The following SEMA4D variants were observed in gnomAD, a reference collection of about 807,000 sequenced individuals.
The protein encoded by SEMA4D is semaphorin-4D.
SEMA4D carries 22 observed loss-of-function variants against 74.8 expected under a neutral mutation model. The observed-to-expected ratio is 0.29, with a 90% confidence interval of 0.21 to 0.42. The LOEUF (loss-of-function observed/expected upper bound fraction) is 0.42, where lower values mean the gene tolerates loss of function less well. SEMA4D is among the 10% of genes least tolerant of loss of function. The pLI, the probability that SEMA4D is intolerant of heterozygous loss-of-function variation, is 1.00. For missense variants in SEMA4D, 937 were observed against 1,118.4 expected (o/e 0.84, Z 2.31); for synonymous variants, 445 against 463.7 (o/e 0.96, Z 0.52).
intron 2 of SEMA4D, among the ~76,000 whole-genome samples, chr9:89,435,139 C>G (rs1291932768): frequency 1.3e-5 from 2 of 152,110 alleles, no homozygotes; most frequent in Non-Finnish European, 2.9e-5. Flanking sequence ...GGCTGCACAT[C>G]CCCCAGGGCA....
intron 2 of SEMA4D, among the ~76,000 whole-genome samples, chr9:89,421,263 G>A (rs78078898): frequency 0.012 from 1,842 of 152,324 alleles, 37 homozygotes; most frequent in African/African-American, 0.042. Flanking sequence ...GAGGCAGAGA[G>A]CAATGGGGGA....
chr9:89,405,137 C>T (rs890234531), intron 3 of SEMA4D, among the ~76,000 whole-genome samples: 3 of 151,484 alleles, frequency 2.0e-5, no homozygotes, highest in East Asian at 3.9e-4. Context: ...CCCAGCCACC[C>T]GCCTCAGCAT....
At chr9:89,419,914 C>T (rs1173609588) in intron 2 of SEMA4D, among the ~76,000 whole-genome samples, 2 of 151,934 alleles carry the variant, frequency 1.3e-5, no homozygotes, top group Non-Finnish European at 2.9e-5. Context: ...AAGACTCCGT[C>T]TCAAAAAAAA....
chr9:89,447,794 C>T (rs4074427), intron 2 of SEMA4D, among the ~76,000 whole-genome samples: 144,448 of 150,150 alleles, frequency 0.96, 69,699 homozygotes, highest in Non-Finnish European at 1. Flanking sequence ...CCCACCACCA[C>T]TTCAGTGCTC....
intron 2 of SEMA4D, among the ~76,000 whole-genome samples, chr9:89,448,255 G>A (rs1462622824): frequency 6.6e-6 from 1 of 152,216 alleles, no homozygotes; most frequent in East Asian, 1.9e-4. Context: ...GGATTTACAA[G>A]AGTAAGCCAT....
At chr9:89,364,005 T>C (rs374147996) in intron 16 of SEMA4D, 80 of 1,613,504 alleles carry the variant, frequency 5.0e-5, no homozygotes, top group Middle Eastern at 3.3e-4. Flanking sequence ...CCAAAGAAGC[T>C]GCCCCATGAG....
chr9:89,431,164 T>TA (rs1849195162), intron 2 of SEMA4D, among the ~76,000 whole-genome samples: 1 of 152,218 alleles, frequency 6.6e-6, no homozygotes, highest in Admixed American at 6.5e-5. Context: ...CTTACTCATG[T>TA]AAAAAACCCA....
intron 1 of SEMA4D, among the ~76,000 whole-genome samples, chr9:89,476,620 T>C (rs1298484297): frequency 6.6e-6 from 1 of 152,222 alleles, no homozygotes; most frequent in African/African-American, 2.4e-5. Flanking sequence ...CAGCCTGCTG[T>C]ATATTTTAGA....
intron 2 of SEMA4D, among the ~76,000 whole-genome samples, chr9:89,453,857 CTTTT>C (rs11300976): frequency 6.3e-5 from 8 of 127,954 alleles, no homozygotes; most frequent in Non-Finnish European, 5.0e-5. Flanking sequence ...GAATATATGT[CTTTT>C]TTTTTTTTTT....
Position 89,377,361 on chromosome 9 carries a change from T to C in SEMA4D, c.*1343A>G. ...ACACCAAAATGGTCAAATCCTATCA[T>C]GCTGGAAGATAAGACTGTCCACACA... is the stretch of plus-strand genomic sequence containing the variant. On this transcript the variant is annotated 3_prime_UTR_variant, in exon 16 of 16. Transcript: ENST00000422704. 1 of 262,204 alleles carries C rather than the reference T, an allele frequency of 3.8e-6. No homozygotes were observed. The highest frequency in any genetic ancestry group is 7.2e-6 in the Non-Finnish European group (1 of 139,546). The allele number at this position is 262,204 out of a possible 1,614,324, so 16.2% of individuals were successfully genotyped here.
downstream of SEMA4D, among the ~76,000 whole-genome samples, chr9:89,374,714 A>T (rs1835548985): frequency 6.6e-6 from 1 of 152,176 alleles, no homozygotes; most frequent in African/African-American, 2.4e-5. Context: ...GCTTGTGTGT[A>T]TGCCTGCCTA....
At chr9:89,367,627 G>A (rs1487414628) in intron 16 of SEMA4D, 1 of 152,252 alleles carries the variant, frequency 6.6e-6, no homozygotes, top group African/African-American at 2.4e-5. Context: ...TAGAGGTCCT[G>A]AGGACAGATA....
chr9:89,363,460 G>T, exon 18 of SEMA4D: 1 of 1,613,890 alleles, frequency 6.2e-7, no homozygotes, highest in Non-Finnish European at 8.5e-7. Context: ...GCATCATCCG[G>T]TCGTGCTCCC....
At position 89,455,243 on chromosome 9, in the gene SEMA4D, C is replaced by T. The variant is rs1205686609; in HGVS notation, c.-244+645G>A. Reference sequence around the variant, plus strand: ...CCTGATGCTCTGAAATTTCAGACAACAAGCAGCCCCTTCGTCCACTCTGCA... The same window carrying T: ...CCTGATGCTCTGAAATTTCAGACAATAAGCAGCCCCTTCGTCCACTCTGCA... On this transcript the variant is annotated intron_variant, in intron 2 of 15. Coordinates refer to ENST00000422704, the MANE Select transcript of SEMA4D (RefSeq NM_001371194.2). Among the ~76,000 whole-genome samples the T allele has an allele frequency of 2.0e-5, 3 of 152,240 alleles. No homozygotes were observed. In the East Asian group the frequency reaches 5.8e-4, roughly 29 times the overall value.
chr9:89,464,437 C>T (rs528172841), intron 1 of SEMA4D, among the ~76,000 whole-genome samples: 1 of 152,036 alleles, frequency 6.6e-6, no homozygotes, highest in Non-Finnish European at 1.5e-5. Context: ...CAGCAGGGCG[C>T]AGCCAGGCTG....
At chr9:89,370,995 G>T (rs1287874870) in intron 16 of SEMA4D, among the ~76,000 whole-genome samples, 3 of 134,550 alleles carry the variant, frequency 2.2e-5, no homozygotes, top group Non-Finnish European at 4.8e-5. Context: ...CTGTGTCAGG[G>T]GTATGTCGGG....
At chr9:89,426,349 C>A (rs1848105451) in intron 2 of SEMA4D, among the ~76,000 whole-genome samples, 1 of 152,250 alleles carries the variant, frequency 6.6e-6, no homozygotes, top group Admixed American at 6.5e-5. Context: ...TAAATATATA[C>A]ACTACAATTA....
At chr9:89,406,165 T>G (rs920207442) in intron 2 of SEMA4D, among the ~76,000 whole-genome samples, 1 of 152,194 alleles carries the variant, frequency 6.6e-6, no homozygotes, top group Non-Finnish European at 1.5e-5. Flanking sequence ...AAGATGTACA[T>G]GTGAGTGCAC....
At chr9:89,427,192 T>A (rs1020214343) in intron 2 of SEMA4D, among the ~76,000 whole-genome samples, 5 of 152,170 alleles carry the variant, frequency 3.3e-5, no homozygotes, top group Non-Finnish European at 7.4e-5. Flanking sequence ...GGAAATGATA[T>A]TTCTTCTCCT....
Sources: gnomAD v4.1 joint callset for allele counts (sites outside exome capture counted in the v4.1 genomes callset) on GRCh38, gnomAD v4.1.1 for gene constraint, MANE v1.5 for transcripts, NCBI Gene and HGNC (gene_info 2026-07-23, HGNC 2026-07-21) for gene names.